The following PPP1R16B variants were observed in gnomAD, a reference collection of about 807,000 sequenced individuals.
The protein encoded by PPP1R16B is protein phosphatase 1 regulatory inhibitor subunit 16B.
Under a neutral mutation model 61.7 loss-of-function variants are expected in PPP1R16B, and 14 were observed. That is an observed-to-expected ratio of 0.23 (90% CI 0.15 to 0.35). The LOEUF (loss-of-function observed/expected upper bound fraction) is 0.35. PPP1R16B is among the 10% of genes least tolerant of loss of function. PPP1R16B has a pLI of 1.00. For synonymous variants in PPP1R16B, 266 were observed against 305.3 expected, an observed-to-expected ratio of 0.87 and a Z score of 1.34; for missense variants, 547 against 752.5, an observed-to-expected ratio of 0.73 and a Z score of 3.19.
At chr20:38,887,541 G>A (rs141915938) in intron 2 of PPP1R16B, among the ~76,000 whole-genome samples, 17 of 152,276 alleles carry the variant, frequency 1.1e-4, no homozygotes, top group Non-Finnish European at 1.2e-4. Flanking sequence ...AAGCAGCACC[G>A]TCCAATAGAA....
chr20:38,836,180 G>T lies in PPP1R16B; in HGVS notation c.250+5G>T. On this transcript the variant is annotated splice_donor_5th_base_variant and intron_variant, in intron 2 of 10. Transcript: ENST00000299824. ...TGAGGAACGACGCCGAGGAAGGTAG[G>T]CCCCTCTGTGCCTTGGCGGCCACGC... 6.2e-7 allele frequency: 1 copy of T among 1,604,860 alleles called. No homozygotes were observed.
intron 1 of PPP1R16B, among the ~76,000 whole-genome samples, chr20:38,817,140 C>T (rs1275175149): frequency 3.9e-5 from 6 of 152,228 alleles, no homozygotes; most frequent in Admixed American, 2.0e-4. Context: ...ATGGAAGAGG[C>T]AGATCTGAAA....
intron 2 of PPP1R16B, among the ~76,000 whole-genome samples, chr20:38,868,039 C>G (rs368562057): frequency 6.6e-6 from 1 of 152,148 alleles, no homozygotes; most frequent in Non-Finnish European, 1.5e-5. Context: ...GTGCTGAGGC[C>G]GTGCCTGGGC....
Position 38,810,826 on chromosome 20 carries a change from G to A in PPP1R16B, c.-102+5034G>A, listed in dbSNP as rs139283065. Among the ~76,000 whole-genome samples, 138 of 152,330 alleles carry A rather than the reference G, an allele frequency of 9.1e-4. No homozygotes were observed. The Middle Eastern group carries it at 0.014, about 15-fold the overall frequency. On this transcript the variant is annotated intron_variant, in intron 1 of 10. Coordinates refer to ENST00000299824, the MANE Select transcript of PPP1R16B (RefSeq NM_015568.4). Reference sequence around the variant, plus strand: ...GGTGAGGCAATTTGCTAAAGGGCATGCAGCTTGTAAGTGACAGGAACTCAC... The same window carrying A: ...GGTGAGGCAATTTGCTAAAGGGCATACAGCTTGTAAGTGACAGGAACTCAC...
intron 1 of PPP1R16B, among the ~76,000 whole-genome samples, chr20:38,834,110 C>G (rs556900055): frequency 6.6e-6 from 1 of 152,346 alleles, no homozygotes; most frequent in African/African-American, 2.4e-5. Context: ...CCCTACCATT[C>G]CTCCTCCAAG....
intron 7 of PPP1R16B, 107 bp downstream of exon 7, chr20:38,906,201 C>G (rs891670305): frequency 1.6e-6 from 2 of 1,240,770 alleles, no homozygotes; most frequent in Admixed American, 2.7e-5. Context: ...GACTTTAAGG[C>G]TTAAGGTGTT....
chr20:38,867,168 C>T (rs2085096286), intron 2 of PPP1R16B, among the ~76,000 whole-genome samples: 1 of 152,016 alleles, frequency 6.6e-6, no homozygotes, highest in African/African-American at 2.4e-5. Context: ...AGGCTGGAGT[C>T]ACCCTAAGGT....
At chr20:38,885,382 T>C (rs1271514272) in intron 2 of PPP1R16B, among the ~76,000 whole-genome samples, 1 of 152,180 alleles carries the variant, frequency 6.6e-6, no homozygotes, top group South Asian at 2.1e-4. Context: ...TATCTTCAAG[T>C]AGAGGCTTGG....
chr20:38,893,397 C>T (rs181253996), intron 3 of PPP1R16B, among the ~76,000 whole-genome samples: 1 of 152,208 alleles, frequency 6.6e-6, no homozygotes, highest in African/African-American at 2.4e-5. Context: ...GGTTTGTAAA[C>T]GGAGAGCAAC....
At chr20:38,902,014 C>T (rs1292676542) in intron 5 of PPP1R16B, among the ~76,000 whole-genome samples, 1 of 152,022 alleles carries the variant, frequency 6.6e-6, no homozygotes, top group Admixed American at 6.6e-5. Context: ...CTCCTGAATT[C>T]GATCGAACAG....
intron 1 of PPP1R16B, among the ~76,000 whole-genome samples, chr20:38,811,978 A>G (rs2084703880): frequency 6.6e-6 from 1 of 152,258 alleles, no homozygotes; most frequent in Admixed American, 6.5e-5. Context: ...TGTCCAGCAC[A>G]CAGGAGACAA....
At chr20:38,829,276 G>A (rs895124349) in intron 1 of PPP1R16B, among the ~76,000 whole-genome samples, 15 of 152,152 alleles carry the variant, frequency 9.9e-5, no homozygotes, top group African/African-American at 3.6e-4. Context: ...CATCCACCCA[G>A]ATGTTAGAAA....
intron 2 of PPP1R16B, 100 bp from the exon 3 acceptor site, chr20:38,889,495 T>C: frequency 9.4e-7 from 1 of 1,060,890 alleles, no homozygotes; most frequent in South Asian, 1.3e-5. Flanking sequence ...GTTACTACAT[T>C]CTTCATAGGC....
intron 2 of PPP1R16B, among the ~76,000 whole-genome samples, chr20:38,871,034 G>T (rs2085125330): frequency 6.6e-6 from 1 of 152,134 alleles, no homozygotes; most frequent in Non-Finnish European, 1.5e-5. Flanking sequence ...GCATCTCCCT[G>T]ACCCGTGTGT....
intron 3 of PPP1R16B, among the ~76,000 whole-genome samples, chr20:38,889,890 A>C (rs183778879): frequency 1.3e-5 from 2 of 152,378 alleles, no homozygotes; most frequent in East Asian, 3.9e-4. Context: ...GCGACTGCAC[A>C]TGCAGGCTCT....
At chr20:38,865,402 G>T (rs904473398) in intron 2 of PPP1R16B, among the ~76,000 whole-genome samples, 1 of 151,664 alleles carries the variant, frequency 6.6e-6, no homozygotes, top group African/African-American at 2.4e-5. Context: ...CCATTCTCCT[G>T]CCTCAGCCTT....
chr20:38,875,905 C>T (rs1000172614), intron 2 of PPP1R16B, among the ~76,000 whole-genome samples: 1 of 150,866 alleles, frequency 6.6e-6, no homozygotes, highest in African/African-American at 2.4e-5. Context: ...ATATTTGTTT[C>T]TTCCTCTCCT....
At chr20:38,912,168 C>T (rs1043903491) in intron 10 of PPP1R16B, among the ~76,000 whole-genome samples, 9 of 149,098 alleles carry the variant, frequency 6.0e-5, no homozygotes, top group East Asian at 2.0e-4. Flanking sequence ...GGCGCCATCT[C>T]GGCTCACTGC....
chr20:38,823,442 A>G (rs1489113643), intron 1 of PPP1R16B, among the ~76,000 whole-genome samples: 1 of 152,144 alleles, frequency 6.6e-6, no homozygotes, highest in Non-Finnish European at 1.5e-5. Flanking sequence ...GGAGTTCGAG[A>G]CCAGCCTGGC....
Sources: gnomAD v4.1 joint callset for allele counts (sites outside exome capture counted in the v4.1 genomes callset) on GRCh38, gnomAD v4.1.1 for gene constraint, MANE v1.5 for transcripts, NCBI Gene and HGNC (gene_info 2026-07-23, HGNC 2026-07-21) for gene names.